RPS6KC1: variants seen among roughly 807,000 people sequenced by gnomAD.
The protein encoded by RPS6KC1 is inactive ribosomal protein S6 kinase delta-1.
RPS6KC1 carries 54 observed loss-of-function variants against 103.8 expected under a neutral mutation model. The observed-to-expected ratio is 0.52, with a 90% CI of 0.42 to 0.65. The LOEUF (loss-of-function observed/expected upper bound fraction) is 0.65. Among genes scored for constraint, RPS6KC1 ranks in the 30% least tolerant of loss-of-function variants. The pLI, the probability that RPS6KC1 is intolerant of heterozygous loss-of-function variation, is 0.00. For missense variants in RPS6KC1, 1,151 were observed against 1,253.8 expected (o/e 0.92, Z 1.24); for synonymous variants, 439 against 438.7 (o/e 1.00, Z -0.01).
At chr1:213,669,434 G>A in the RPS6KC1 span, among the ~76,000 whole-genome samples, 1 of 152,146 alleles carries the variant, frequency 6.6e-6, no homozygotes, top group Non-Finnish European at 1.5e-5. Context: ...TATAAGTACA[G>A]TTTGTGGTGT....
At chr1:213,720,408 T>C in the RPS6KC1 span, among the ~76,000 whole-genome samples, 11 of 152,214 alleles carry the variant, frequency 7.2e-5, no homozygotes, top group Non-Finnish European at 1.5e-4. Flanking sequence ...AGGTTCTTGA[T>C]TGGAATTCTA....
chr1:213,705,152 G>A, the RPS6KC1 span, among the ~76,000 whole-genome samples: 54 of 152,312 alleles, frequency 3.5e-4, no homozygotes, highest in East Asian at 1.5e-3. Context: ...ATGCCCTGGG[G>A]CTCTACAATC....
chr1:213,646,154 T>C, the RPS6KC1 span, among the ~76,000 whole-genome samples: 1 of 152,256 alleles, frequency 6.6e-6, no homozygotes, highest in Non-Finnish European at 1.5e-5. Context: ...GAAGGGGCAG[T>C]TCCCCCTGAA....
At chr1:213,523,190 G>A in the RPS6KC1 span, among the ~76,000 whole-genome samples, 2 of 152,202 alleles carry the variant, frequency 1.3e-5, no homozygotes, top group Non-Finnish European at 2.9e-5. Flanking sequence ...GGAGCAGCTG[G>A]TCAGTGGAGT....
At chr1:213,493,223 A>G in the RPS6KC1 span, among the ~76,000 whole-genome samples, 12 of 152,354 alleles carry the variant, frequency 7.9e-5, no homozygotes, top group Non-Finnish European at 1.5e-4. Context: ...ATTCAGTTGC[A>G]TGAAGCTTAT....
the RPS6KC1 span, among the ~76,000 whole-genome samples, chr1:213,316,969 A>C: frequency 2.6e-5 from 4 of 152,284 alleles, no homozygotes; most frequent in South Asian, 6.2e-4. Flanking sequence ...GGGTGAGGTC[A>C]GAGAGGGAGC....
At chr1:213,252,324 A>T (rs1346923530) in intron 12 of RPS6KC1, among the ~76,000 whole-genome samples, 2 of 152,212 alleles carry the variant, frequency 1.3e-5, no homozygotes. Context: ...AAAAAGAAAG[A>T]TGTTCTTTTC....
chr1:213,749,910 C>T, the RPS6KC1 span, among the ~76,000 whole-genome samples: 7 of 152,122 alleles, frequency 4.6e-5, no homozygotes, highest in East Asian at 9.6e-4. Context: ...GGAAGGTTAG[C>T]GGGGAACATC....
rs566845381 is a variant in RPS6KC1 at position 213,246,462 on chromosome 1, T to C, written c.2911+3804T>C. ...TTCTGCTTTTTTTGTTGTGAGGGAT[T>C]AGAGAATAAAAACTGGAGTAAATTG... On this transcript the variant is annotated intron_variant, in intron 12 of 14. Transcript: ENST00000366960. Among the ~76,000 whole-genome samples the C allele has an allele frequency of 5.3e-5, 8 of 152,296 alleles. 1 individual carries two copies. The highest frequency in any genetic ancestry group is 8.8e-5 in the Non-Finnish European group (6 of 68,020).
intron 7 of RPS6KC1, among the ~76,000 whole-genome samples, chr1:213,173,169 G>GAGT (rs759181634): frequency 7.9e-5 from 12 of 152,198 alleles, no homozygotes; most frequent in Non-Finnish European, 1.6e-4. Flanking sequence ...CTGAAGAAAG[G>GAGT]AGTAGATCTA....
intron 6 of RPS6KC1, among the ~76,000 whole-genome samples, chr1:213,135,109 G>GT: frequency 6.6e-6 from 1 of 152,210 alleles, no homozygotes; most frequent in East Asian, 1.9e-4. Context: ...TCTATTCCTA[G>GT]TTTTTTGTAT....
the RPS6KC1 span, among the ~76,000 whole-genome samples, chr1:213,458,214 A>G: frequency 1.1e-4 from 17 of 152,118 alleles, no homozygotes; most frequent in African/African-American, 3.6e-4. Context: ...TATGTACCCA[A>G]AGTTTAGCTC....
the RPS6KC1 span, among the ~76,000 whole-genome samples, chr1:213,651,400 C>A: frequency 6.6e-6 from 1 of 152,200 alleles, no homozygotes; most frequent in African/African-American, 2.4e-5. Flanking sequence ...ACAAAGACAA[C>A]TGTGTATCGG....
At chr1:213,289,366 A>AT in the RPS6KC1 span, among the ~76,000 whole-genome samples, 3 of 151,878 alleles carry the variant, frequency 2.0e-5, no homozygotes, top group East Asian at 1.9e-4. Flanking sequence ...TTGTAAAGAA[A>AT]TTTTTTTTCC....
chr1:213,774,172 C>T, the RPS6KC1 span, among the ~76,000 whole-genome samples: 1 of 152,216 alleles, frequency 6.6e-6, no homozygotes, highest in African/African-American at 2.4e-5. Context: ...AAATAATTTA[C>T]TGTCCAGTCA....
At chr1:213,323,798 C>A in the RPS6KC1 span, among the ~76,000 whole-genome samples, 23 of 152,234 alleles carry the variant, frequency 1.5e-4, no homozygotes, top group African/African-American at 5.3e-4. Flanking sequence ...CATGCATAGT[C>A]TCCTCTATTA....
the RPS6KC1 span, among the ~76,000 whole-genome samples, chr1:213,577,737 G>A: frequency 2.6e-5 from 4 of 152,296 alleles, no homozygotes; most frequent in South Asian, 8.3e-4. Context: ...AAGTAGCAAA[G>A]CATTCAAAAG....
chr1:213,316,098 T>C, the RPS6KC1 span, among the ~76,000 whole-genome samples: 8 of 152,202 alleles, frequency 5.3e-5, no homozygotes, highest in Admixed American at 3.3e-4. Context: ...TGGGAGGTGA[T>C]GGGATCATGG....
chr1:213,073,249 G>C (rs2079034117), intron 2 of RPS6KC1, among the ~76,000 whole-genome samples: 2 of 152,098 alleles, frequency 1.3e-5, no homozygotes, highest in Non-Finnish European at 1.5e-5. Context: ...AGACTATATA[G>C]TAAAGCTTCA....
Sources: gnomAD v4.1 joint callset for allele counts (sites outside exome capture counted in the v4.1 genomes callset) on GRCh38, gnomAD v4.1.1 for gene constraint, MANE v1.5 for transcripts, NCBI Gene and HGNC (gene_info 2026-07-23, HGNC 2026-07-21) for gene names.